The following PARD3 variants were observed in gnomAD, a reference collection of about 807,000 sequenced individuals.
The protein encoded by PARD3 is partitioning defective 3 homolog.
PARD3 carries 75 observed loss-of-function variants against 155.4 expected under a neutral mutation model. That is an observed-to-expected ratio of 0.48 (90% CI 0.40 to 0.58). The LOEUF (loss-of-function observed/expected upper bound fraction) is 0.58, where lower values mean the gene tolerates loss of function less well. PARD3 is among the 20% of genes least tolerant of loss of function. The pLI is 0.00. For synonymous variants in PARD3, 576 were observed against 610.5 expected, an observed-to-expected ratio of 0.94 and a Z score of 0.83; for missense variants, 1,642 against 1,721.7, an observed-to-expected ratio of 0.95 and a Z score of 0.82.
At chr10:34,659,251 G>A (rs1301573711) in intron 2 of PARD3, among the ~76,000 whole-genome samples, 1 of 151,920 alleles carries the variant, frequency 6.6e-6, no homozygotes, top group Non-Finnish European at 1.5e-5. Context: ...AACAGAGCAA[G>A]AATAAAATTA....
chr10:34,629,660 C>T (rs2092161162), intron 2 of PARD3, among the ~76,000 whole-genome samples: 1 of 152,168 alleles, frequency 6.6e-6, no homozygotes, highest in African/African-American at 2.4e-5. Flanking sequence ...ATTTGAGACC[C>T]ATTAAAAAGA....
intron 14 of PARD3, 132 bp from the exon 15 acceptor site, chr10:34,348,247 T>G (rs567419827): frequency 1.7e-5 from 11 of 655,368 alleles, no homozygotes; most frequent in Non-Finnish European, 2.6e-5. Flanking sequence ...CTTTTCACCC[T>G]GTACCAAAAT....
chr10:34,473,129 A>G (rs2078466151), intron 3 of PARD3, among the ~76,000 whole-genome samples: 1 of 152,192 alleles, frequency 6.6e-6, no homozygotes, highest in Admixed American at 6.5e-5. Flanking sequence ...ATAAACTGCA[A>G]TGTGAAGGCT....
chr10:34,122,939 C>A (rs1947084013), intron 23 of PARD3, among the ~76,000 whole-genome samples: 1 of 152,168 alleles, frequency 6.6e-6, no homozygotes. Flanking sequence ...TAATTTGTAA[C>A]CTCACAGAGA....
intron 1 of PARD3, among the ~76,000 whole-genome samples, chr10:34,726,973 C>G (rs1390517039): frequency 6.6e-6 from 1 of 152,160 alleles, no homozygotes; most frequent in Non-Finnish European, 1.5e-5. Flanking sequence ...CAATAACCAG[C>G]TGGGTAAGCT....
chr10:34,585,450 A>T lies in PARD3; in HGVS notation c.223-68291T>A, dbSNP rs543063689. The stretch of plus-strand genomic sequence containing the variant: ...GAAATTAAACTAACAATGTTAATTT[A>T]AAAAAAATCTGCTAAACTTCACCTG... On this transcript the variant is annotated intron_variant, in intron 2 of 24. Transcript: ENST00000374788. 5.3e-4 allele frequency among the ~76,000 whole-genome samples: 81 copies of T among 151,570 alleles called. 1 individual carries two copies. Among genetic ancestry groups the T allele is most frequent in the Middle Eastern group, 3.4e-3 (1 of 294 alleles).
chr10:34,543,922 C>T (rs1221693601), intron 2 of PARD3, among the ~76,000 whole-genome samples: 2 of 152,140 alleles, frequency 1.3e-5, no homozygotes, highest in African/African-American at 2.4e-5. Flanking sequence ...ACCATATATT[C>T]GGTACCTGCT....
At chr10:34,271,370 T>C (rs1197828191) in intron 21 of PARD3, among the ~76,000 whole-genome samples, 3 of 152,076 alleles carry the variant, frequency 2.0e-5, no homozygotes, top group African/African-American at 7.2e-5. Context: ...CCAAATGGTG[T>C]TTACTGCAAA....
intron 22 of PARD3, among the ~76,000 whole-genome samples, chr10:34,207,579 T>C (rs1951538827): frequency 1.3e-5 from 2 of 152,176 alleles, no homozygotes; most frequent in Admixed American, 1.3e-4. Flanking sequence ...ACAAAGCAAG[T>C]TACACAAATA....
intron 22 of PARD3, among the ~76,000 whole-genome samples, chr10:34,219,912 G>A (rs1436391028): frequency 6.6e-6 from 1 of 152,176 alleles, no homozygotes; most frequent in East Asian, 1.9e-4. Flanking sequence ...GACCTCAAAT[G>A]GCCAGGATGG....
chr10:34,532,092 TTC>T (rs1302255041), intron 2 of PARD3, among the ~76,000 whole-genome samples: 1 of 151,906 alleles, frequency 6.6e-6, no homozygotes, highest in African/African-American at 2.4e-5. Flanking sequence ...TTACTTACAT[TTC>T]TCTCAACTGT....
chr10:34,328,209 A>G (rs1156998154), intron 19 of PARD3, among the ~76,000 whole-genome samples: 1 of 152,170 alleles, frequency 6.6e-6, no homozygotes, highest in Non-Finnish European at 1.5e-5. Context: ...TAGTGCATAC[A>G]AGGTCCAGTG....
intron 1 of PARD3, among the ~76,000 whole-genome samples, chr10:34,775,355 A>G (rs1839406243): frequency 6.6e-6 from 1 of 152,092 alleles, no homozygotes. Context: ...CATCTCTGCA[A>G]AAAAACTAGC....
At chr10:34,269,980 G>A in intron 21 of PARD3, 81 bp from the exon 22 acceptor site, 5 of 1,315,100 alleles carry the variant, frequency 3.8e-6, no homozygotes, top group Non-Finnish European at 5.3e-6. Context: ...ATCAAAATAT[G>A]TTGTAAAATA....
intron 19 of PARD3, among the ~76,000 whole-genome samples, chr10:34,326,263 C>T (rs1051596988): frequency 9.9e-5 from 15 of 152,144 alleles, no homozygotes; most frequent in Admixed American, 7.2e-4. Context: ...GGTTATTTCA[C>T]AACCATACAC....
Position 34,131,462 on chromosome 10 carries a change from C to A in PARD3, c.3540+1G>T. The A allele has an allele frequency of 6.2e-7, 1 of 1,614,008 alleles. No homozygotes were observed. Among genetic ancestry groups the A allele is most frequent in the South Asian group, 1.1e-5 (1 of 91,074 alleles). The stretch of plus-strand genomic sequence containing the variant: ...ACCGTGCTGAAGAACCAATTACTTA[C>A]CCAGGGTTGCTCAAAACTATAGGTC... On this transcript the variant is annotated splice_donor_variant, in intron 23 of 24. Transcript: ENST00000374788. LOFTEE classifies it high-confidence loss of function.
intron 22 of PARD3, among the ~76,000 whole-genome samples, chr10:34,151,543 T>C (rs746164883): frequency 6.6e-6 from 1 of 152,204 alleles, no homozygotes; most frequent in Non-Finnish European, 1.5e-5. Flanking sequence ...TTTTTATCCA[T>C]TTTGTATGCA....
rs34174161 is a variant in PARD3, at chr10:34,479,194, C to T, written c.404-8931G>A. ...TTTTTTTTTTTGAGACAGAGTCTCG[C>T]CCTGTCGCCCAGGCTGGAGTGCAGT... On this transcript the variant is annotated intron_variant, in intron 3 of 24. Coordinates refer to ENST00000374788, the MANE Select transcript of PARD3 (RefSeq NM_001184785.2). Among the ~76,000 whole-genome samples, 744 of 148,394 alleles carry T rather than the reference C, an allele frequency of 5.0e-3. 4 individuals carry two copies. Among genetic ancestry groups the T allele is most frequent in the Non-Finnish European group, 6.9e-3 (465 of 67,546 alleles).
chr10:34,386,433 T>C (rs988587207), intron 7 of PARD3, among the ~76,000 whole-genome samples: 11 of 152,182 alleles, frequency 7.2e-5, no homozygotes, highest in African/African-American at 2.7e-4. Flanking sequence ...AATGAAGTTA[T>C]TGTTTAAATG....
Sources: allele counts gnomAD v4.1 joint callset (sites outside exome capture counted in the v4.1 genomes callset), GRCh38; gene constraint gnomAD v4.1.1; transcripts MANE v1.5; gene names NCBI Gene and HGNC (gene_info 2026-07-23, HGNC 2026-07-21).